ENOX1: variants seen among roughly 807,000 people sequenced by gnomAD.
The protein encoded by ENOX1 is ecto-NOX disulfide-thiol exchanger 1.
In ENOX1, 42 loss-of-function variants were observed where a neutral mutation model predicts 82.5. That is an observed-to-expected ratio of 0.51 (90% CI 0.40 to 0.66). The LOEUF is 0.66. ENOX1 is among the 30% of genes least tolerant of loss of function. The pLI is 0.00. For missense variants in ENOX1, 608 were observed against 811.6 expected, an observed-to-expected ratio of 0.75 and a Z score of 3.05; for synonymous variants, 271 against 282.2, an observed-to-expected ratio of 0.96 and a Z score of 0.40.
intron 2 of ENOX1, among the ~76,000 whole-genome samples, chr13:43,580,166 T>C (rs141042663): frequency 2.7e-4 from 41 of 152,354 alleles, no homozygotes; most frequent in Non-Finnish European, 4.0e-4. Flanking sequence ...GTCCTTGACC[T>C]GTACAAAAAA....
chr13:43,594,853 T>C (rs187058957), intron 2 of ENOX1, among the ~76,000 whole-genome samples: 20 of 152,172 alleles, frequency 1.3e-4, no homozygotes, highest in Admixed American at 1.0e-3. Context: ...TTCAAGAGAC[T>C]CTGCTGCAAG....
chr13:43,285,018 G>A (rs1399587884), intron 12 of ENOX1, among the ~76,000 whole-genome samples: 1 of 152,204 alleles, frequency 6.6e-6, no homozygotes, highest in Non-Finnish European at 1.5e-5. Flanking sequence ...GCTGCACATA[G>A]ATAAGAACTT....
intron 1 of ENOX1, among the ~76,000 whole-genome samples, chr13:43,757,404 T>C (rs1950714368): frequency 6.6e-6 from 1 of 152,218 alleles, no homozygotes; most frequent in Non-Finnish European, 1.5e-5. Flanking sequence ...CTCAGAATTC[T>C]GCCTACCACC....
intron 2 of ENOX1, among the ~76,000 whole-genome samples, chr13:43,616,107 G>T (rs1319426895): frequency 2.3e-4 from 12 of 51,760 alleles, no homozygotes; most frequent in East Asian, 9.5e-4. Context: ...TATATAGATA[G>T]ATATCTATAG....
chr13:43,219,948 G>C (rs2041699355), intron 16 of ENOX1, among the ~76,000 whole-genome samples: 1 of 152,240 alleles, frequency 6.6e-6, no homozygotes, highest in Non-Finnish European at 1.5e-5. Context: ...CTGACTTCTA[G>C]CCTTTAAATG....
At chr13:43,341,160 G>A (rs1475198575) in intron 9 of ENOX1, among the ~76,000 whole-genome samples, 1 of 152,064 alleles carries the variant, frequency 6.6e-6, no homozygotes, top group Non-Finnish European at 1.5e-5. Context: ...AGATGGGCGT[G>A]GTGGCGGGCG....
At chr13:43,689,230 A>G (rs573069225) in intron 1 of ENOX1, among the ~76,000 whole-genome samples, 15 of 149,748 alleles carry the variant, frequency 1.0e-4, no homozygotes, top group African/African-American at 3.3e-4. Context: ...CACCAGAGTC[A>G]AAAATACATA....
chr13:43,640,548 C>T (rs2083591098), intron 2 of ENOX1, among the ~76,000 whole-genome samples: 1 of 152,124 alleles, frequency 6.6e-6, no homozygotes, highest in African/African-American at 2.4e-5. Context: ...CAACAATAGG[C>T]CAATGTATTT....
intron 2 of ENOX1, among the ~76,000 whole-genome samples, chr13:43,580,091 G>C (rs1281647669): frequency 1.3e-5 from 2 of 152,206 alleles, no homozygotes; most frequent in African/African-American, 2.4e-5. Context: ...GTGCAGACTT[G>C]AGAATGAGAA....
chr13:43,618,432 G>A (rs548431829), intron 2 of ENOX1, among the ~76,000 whole-genome samples: 38 of 152,242 alleles, frequency 2.5e-4, no homozygotes, highest in African/African-American at 8.9e-4. Flanking sequence ...GAGAGATGAG[G>A]AACCAGTTTC....
At chr13:43,764,595 A>G (rs915444061) in intron 1 of ENOX1, among the ~76,000 whole-genome samples, 2 of 151,956 alleles carry the variant, frequency 1.3e-5, no homozygotes, top group African/African-American at 4.8e-5. Flanking sequence ...TTAGAAGATT[A>G]TTTTCAATTA....
At chr13:43,656,874 C>T (rs917631160) in intron 2 of ENOX1, among the ~76,000 whole-genome samples, 4 of 152,168 alleles carry the variant, frequency 2.6e-5, no homozygotes, top group African/African-American at 9.7e-5. Flanking sequence ...TCCCCAGGAA[C>T]ATGTTAAAGG....
At chr13:43,281,137 C>T (rs1377805875) in intron 12 of ENOX1, among the ~76,000 whole-genome samples, 2 of 152,190 alleles carry the variant, frequency 1.3e-5, no homozygotes, top group African/African-American at 4.8e-5. Context: ...ATAGCAACTA[C>T]TGAACCTCTG....
At chr13:43,630,291 T>A (rs1052536855) in intron 2 of ENOX1, among the ~76,000 whole-genome samples, 2 of 152,174 alleles carry the variant, frequency 1.3e-5, no homozygotes, top group African/African-American at 2.4e-5. Flanking sequence ...GAGTATCCAC[T>A]TTCGCTGTTT....
chr13:43,453,496 G>T (rs961536220), intron 3 of ENOX1, among the ~76,000 whole-genome samples: 1 of 152,174 alleles, frequency 6.6e-6, no homozygotes, highest in Non-Finnish European at 1.5e-5. Context: ...AGATTAATTT[G>T]CCCATTTGAT....
intron 15 of ENOX1, among the ~76,000 whole-genome samples, chr13:43,230,819 T>C (rs2042244593): frequency 6.6e-6 from 1 of 152,212 alleles, no homozygotes; most frequent in Non-Finnish European, 1.5e-5. Context: ...CCTGTTATAG[T>C]TTAATTATAT....
chr13:43,270,158 C>T (rs2044604641), intron 12 of ENOX1, among the ~76,000 whole-genome samples: 1 of 152,134 alleles, frequency 6.6e-6, no homozygotes, highest in Non-Finnish European at 1.5e-5. Context: ...TAAGCAGGGC[C>T]ACTGTATGGA....
At chr13:43,339,564 G>T (rs982789859) in intron 9 of ENOX1, among the ~76,000 whole-genome samples, 3 of 152,204 alleles carry the variant, frequency 2.0e-5, no homozygotes, top group African/African-American at 7.2e-5. Flanking sequence ...TAGTTAGCCA[G>T]TTTGCCAATA....
intron 7 of ENOX1, among the ~76,000 whole-genome samples, chr13:43,357,512 T>C (rs1392039564): frequency 6.6e-6 from 1 of 152,152 alleles, no homozygotes; most frequent in African/African-American, 2.4e-5. Flanking sequence ...TAATCACAGA[T>C]GTGCAGAATT....
Sources: gnomAD v4.1 joint callset for allele counts (sites outside exome capture counted in the v4.1 genomes callset) on GRCh38, gnomAD v4.1.1 for gene constraint, MANE v1.5 for transcripts, NCBI Gene and HGNC (gene_info 2026-07-23, HGNC 2026-07-21) for gene names.